Variants in CRISPLD2 observed in about 807,000 individuals in gnomAD.
The protein encoded by CRISPLD2 is cysteine rich secretory protein LCCL domain containing 2.
CRISPLD2 carries 47 observed loss-of-function variants against 71.1 expected under a neutral mutation model. That is an observed-to-expected ratio of 0.66 (90% CI 0.52 to 0.84). The LOEUF is 0.84. Ranked by LOEUF, CRISPLD2 falls within the 40% of genes least tolerant of loss-of-function variation. CRISPLD2 has a pLI of 0.00. For missense variants in CRISPLD2, 830 were observed against 651.1 expected, an observed-to-expected ratio of 1.27 and a Z score of -2.99; for synonymous variants, 317 against 250.1, an observed-to-expected ratio of 1.27 and a Z score of -2.52.
chr16:84,823,946 G>C (rs1021478), intron 1 of CRISPLD2, among the ~76,000 whole-genome samples: 13 of 152,248 alleles, frequency 8.5e-5, no homozygotes, highest in African/African-American at 2.9e-4. Flanking sequence ...GTAATCAAGT[G>C]AGCTGGAACT....
In CRISPLD2 at chr16:84,905,325, C is replaced by A. The variant is rs375444054; in HGVS notation, c.1440-1263C>A. On this transcript the variant is annotated intron_variant, in intron 14 of 14. Transcript: ENST00000262424. ...AGATGACTGCACAACTCTATAAAAT[C>A]TCTAAAAACCATTGAATTGTACACT... 3.9e-5 allele frequency among the ~76,000 whole-genome samples: 6 copies of A among 152,258 alleles called. No individual in the cohort carries two copies. In the East Asian group the frequency reaches 9.6e-4, roughly 24 times the overall value.
intron 10 of CRISPLD2, chr16:84,873,444 C>T (rs554217206): frequency 6.2e-6 from 1 of 161,132 alleles, no homozygotes; most frequent in African/African-American, 2.6e-5. Flanking sequence ...TGTCACTGCA[C>T]TCCAGCCTGG....
chr16:84,828,135 G>A (rs1267299523), intron 1 of CRISPLD2: 1 of 152,190 alleles, frequency 6.6e-6, no homozygotes, highest in African/African-American at 2.4e-5. Context: ...GCCAGCTCTC[G>A]ACTCATCTTC....
intron 10 of CRISPLD2, among the ~76,000 whole-genome samples, chr16:84,873,674 A>G (rs2071494361): frequency 6.6e-6 from 1 of 152,112 alleles, no homozygotes; most frequent in African/African-American, 2.4e-5. Context: ...TATACATTTG[A>G]AAACCATTAT....
At chr16:84,837,930 C>T (rs1210974158) in intron 1 of CRISPLD2, among the ~76,000 whole-genome samples, 6 of 152,114 alleles carry the variant, frequency 3.9e-5, no homozygotes, top group South Asian at 2.1e-4. Flanking sequence ...GGGCGAGGGC[C>T]GTGATAAGAG....
At chr16:84,875,364 G>T (rs73251522) in intron 11 of CRISPLD2, among the ~76,000 whole-genome samples, 1 of 148,824 alleles carries the variant, frequency 6.7e-6, no homozygotes, top group Non-Finnish European at 1.5e-5. Flanking sequence ...GACTCTGAAT[G>T]TGCCCAACAC....
In CRISPLD2 at chr16:84,886,709, G is replaced by T. The variant is rs141351399; in HGVS notation, c.1306-2521G>T. ...GTGGTGGCGCATGCCTGCGATCCCA[G>T]CTACTTGAGAAGCTGAGGTGGGAGG... On this transcript the variant is annotated intron_variant, in intron 13 of 14. Transcript: ENST00000262424. 1.8e-3 allele frequency among the ~76,000 whole-genome samples: 268 copies of T among 152,280 alleles called. 1 individual carries two copies. Among genetic ancestry groups the T allele is most frequent in the African/African-American group, 6.1e-3 (254 of 41,568 alleles).
At chr16:84,839,313 G>A (rs1916710206) in intron 2 of CRISPLD2, 1 of 257,328 alleles carries the variant, frequency 3.9e-6, no homozygotes. Flanking sequence ...TTCCCACCTG[G>A]AGGCAGAGTG....
chr16:84,877,186 C>T (rs1436475019), intron 11 of CRISPLD2, among the ~76,000 whole-genome samples: 1 of 152,242 alleles, frequency 6.6e-6, no homozygotes. Context: ...AAAGCACCAT[C>T]AGCCCCACAG....
chr16:84,832,534 C>T (rs185357495), intron 1 of CRISPLD2, among the ~76,000 whole-genome samples: 7 of 152,396 alleles, frequency 4.6e-5, no homozygotes, highest in South Asian at 2.1e-4. Flanking sequence ...ATCGACGCTT[C>T]GGCGGTGAAC....
In CRISPLD2 at chr16:84,838,749, C is replaced by A. The variant is rs1181619962; in HGVS notation, c.240+14C>A. 1.2e-6 allele frequency: 2 copies of A among 1,607,250 alleles called. No individual in the cohort carries two copies. The highest frequency in any genetic ancestry group is 8.5e-7 in the Non-Finnish European group (1 of 1,178,622). Reference sequence around the variant, plus strand: ...ATGGAGTACATGGTGAGCGCCGGCTCCGGCCGCAGAGGCTGGCACCGGGGG... The same window carrying A: ...ATGGAGTACATGGTGAGCGCCGGCTACGGCCGCAGAGGCTGGCACCGGGGG... On this transcript the variant is annotated intron_variant, in intron 2 of 14. Transcript: ENST00000262424.
chr16:84,893,258 G>A (rs372651362), intron 14 of CRISPLD2, among the ~76,000 whole-genome samples: 3 of 152,140 alleles, frequency 2.0e-5, no homozygotes, highest in South Asian at 2.1e-4. Context: ...AGAGGTGTGT[G>A]TCCAGCCCTC....
intron 2 of CRISPLD2, chr16:84,839,344 C>T (rs62048664): frequency 2.1e-5 from 5 of 237,858 alleles, no homozygotes; most frequent in Non-Finnish European, 4.2e-5. Flanking sequence ...CAGGGCTGGG[C>T]TTTGCTGATG....
chr16:84,844,017 C>G (rs185246406), intron 2 of CRISPLD2, among the ~76,000 whole-genome samples: 1 of 152,176 alleles, frequency 6.6e-6, no homozygotes, highest in African/African-American at 2.4e-5. Context: ...GCTGTGTGCC[C>G]GGGGCTGGGT....
rs1165177947 is a variant in CRISPLD2 at position 84,877,303 on chromosome 16, G to A, written c.1157-135G>A. On this transcript the variant is annotated intron_variant, in intron 11 of 14. Coordinates refer to ENST00000262424, the MANE Select transcript of CRISPLD2 (RefSeq NM_031476.4). ...ACGTGGGGTACGAGGAGCCTGCTGG[G>A]TCGTAGTCCCAGCTCTATTCAAGGG... 7.2e-6 allele frequency: 5 copies of A among 698,098 alleles called. No homozygotes were observed. The South Asian group carries it at 9.6e-5, about 13-fold the overall frequency. The allele number at this position is 698,098 out of a possible 1,614,324, so 43.2% of individuals were successfully genotyped here. A position where few individuals can be genotyped will look rare whatever the true frequency, so the allele number is the denominator to read the frequency against.
At chr16:84,877,758 G>A (rs1175153729) in intron 12 of CRISPLD2, among the ~76,000 whole-genome samples, 1 of 152,170 alleles carries the variant, frequency 6.6e-6, no homozygotes, top group East Asian at 1.9e-4. Flanking sequence ...GCTGAGGCAG[G>A]AGAATTGCTT....
At chr16:84,902,484 C>G (rs1015156541) in intron 14 of CRISPLD2, among the ~76,000 whole-genome samples, 9 of 151,676 alleles carry the variant, frequency 5.9e-5, no homozygotes, top group African/African-American at 1.9e-4. Flanking sequence ...GTGTTGGACA[C>G]TTGTAGTCCC....
intron 6 of CRISPLD2, among the ~76,000 whole-genome samples, chr16:84,864,216 G>T (rs989199606): frequency 6.6e-6 from 1 of 152,114 alleles, no homozygotes; most frequent in Non-Finnish European, 1.5e-5. Context: ...CCAGGCCCGT[G>T]CTGGGCCATA....
At chr16:84,855,861 C>G (rs1917225503) in intron 6 of CRISPLD2, among the ~76,000 whole-genome samples, 1 of 152,148 alleles carries the variant, frequency 6.6e-6, no homozygotes, top group Non-Finnish European at 1.5e-5. Flanking sequence ...ATAAAGTTAA[C>G]AATACTTAAA....
Sources: gnomAD v4.1 joint callset for allele counts (sites outside exome capture counted in the v4.1 genomes callset) on GRCh38, gnomAD v4.1.1 for gene constraint, MANE v1.5 for transcripts, NCBI Gene and HGNC (gene_info 2026-07-23, HGNC 2026-07-21) for gene names.